Variants in CYRIA observed in about 807,000 individuals in gnomAD.
CYRIA encodes CYFIP-related Rac1 interactor A.
A neutral mutation model predicts 43.9 loss-of-function variants in CYRIA; 15 were observed. That is an observed-to-expected ratio of 0.34 (90% CI 0.23 to 0.53). The LOEUF (loss-of-function observed/expected upper bound fraction) is 0.53. Ranked by LOEUF, CYRIA falls within the 20% of genes least tolerant of loss-of-function variation. The pLI, the probability that CYRIA is intolerant of heterozygous loss-of-function variation, is 0.94. For synonymous variants in CYRIA, 117 were observed against 136.0 expected, an observed-to-expected ratio of 0.86 and a Z score of 0.97; for missense variants, 236 against 394.2, an observed-to-expected ratio of 0.60 and a Z score of 3.40.
chr2:16,649,764 G>A (rs914448596), intron 1 of CYRIA, among the ~76,000 whole-genome samples: 7 of 152,108 alleles, frequency 4.6e-5, no homozygotes, highest in Non-Finnish European at 5.9e-5. Flanking sequence ...ACAGTACAGG[G>A]CATGGTTATA....
chr2:16,589,276 G>A (rs980008337), intron 2 of CYRIA, among the ~76,000 whole-genome samples: 15 of 152,062 alleles, frequency 9.9e-5, no homozygotes, highest in Admixed American at 9.2e-4. Context: ...CAATATTTAT[G>A]TTGATACAAG....
intron 1 of CYRIA, among the ~76,000 whole-genome samples, chr2:16,626,929 T>A (rs1233597173): frequency 6.6e-6 from 1 of 152,228 alleles, no homozygotes; most frequent in Admixed American, 6.5e-5. Flanking sequence ...TATCTTTTCA[T>A]CTTTGCTCAT....
chr2:16,625,827 C>T (rs1028152408), intron 1 of CYRIA: 2 of 151,516 alleles, frequency 1.3e-5, no homozygotes, highest in African/African-American at 4.9e-5. Flanking sequence ...CTATCCCATC[C>T]TCACTGCTTT....
At chr2:16,555,331 T>C (rs1666467939) in intron 10 of CYRIA, among the ~76,000 whole-genome samples, 192 bp from the exon 11 acceptor site, 2 of 151,614 alleles carry the variant, frequency 1.3e-5, no homozygotes, top group East Asian at 3.9e-4. Context: ...GGATTCTGTA[T>C]GACTGCAATC....
At chr2:16,593,738 T>A (rs1668015081) in intron 2 of CYRIA, among the ~76,000 whole-genome samples, 3 of 85,214 alleles carry the variant, frequency 3.5e-5, no homozygotes, top group East Asian at 3.2e-4. Flanking sequence ...TTTTTTTTTT[T>A]ATTATACTCT....
chr2:16,626,122 A>C (rs1669155424), intron 1 of CYRIA, among the ~76,000 whole-genome samples: 1 of 152,108 alleles, frequency 6.6e-6, no homozygotes. Context: ...AACTTGAACA[A>C]CCACACACAG....
intron 3 of CYRIA, among the ~76,000 whole-genome samples, chr2:16,567,505 G>A (rs1666982969): frequency 2.0e-5 from 3 of 152,120 alleles, no homozygotes; most frequent in Admixed American, 2.0e-4. Context: ...TGCTGACTTG[G>A]TGTTCAGAAA....
In CYRIA at chr2:16,551,565, G is replaced by C. The variant is rs1340967552; in HGVS notation, c.*1371C>G. On this transcript the variant is annotated 3_prime_UTR_variant, in exon 12 of 12. Transcript: ENST00000381323. ...ATCCTCTGGGTTTCATTTTTCCTTA[G>C]GAGGTCAGAATCAGAGATTTTCATG... The C allele has an allele frequency of 6.6e-6, 1 of 152,254 alleles. No individual in the cohort carries two copies. Among genetic ancestry groups the C allele is most frequent in the East Asian group, 1.9e-4 (1 of 5,166 alleles). 9.4% of individuals were successfully genotyped at this position (152,254 alleles called of 1,614,324 possible).
intron 1 of CYRIA, among the ~76,000 whole-genome samples, chr2:16,652,896 C>T (rs1324314687): frequency 6.6e-6 from 1 of 152,202 alleles, no homozygotes; most frequent in Non-Finnish European, 1.5e-5. Flanking sequence ...CCATGTGATG[C>T]TTGTCCAGCT....
intron 3 of CYRIA, among the ~76,000 whole-genome samples, chr2:16,584,258 C>T (rs1332622389): frequency 6.6e-6 from 1 of 152,138 alleles, no homozygotes; most frequent in African/African-American, 2.4e-5. Context: ...TCCATTTACA[C>T]TCCCTCCTTC....
intron 3 of CYRIA, among the ~76,000 whole-genome samples, chr2:16,575,622 G>A (rs558466311): frequency 1.1e-4 from 16 of 152,166 alleles, no homozygotes; most frequent in African/African-American, 3.4e-4. Flanking sequence ...TTGGGAGGCC[G>A]AGGCGGGCGG....
In CYRIA at chr2:16,650,314, C is replaced by T. The variant is rs991990357; in HGVS notation, c.-167+15466G>A. Among the ~76,000 whole-genome samples, 1 of 152,078 alleles carries T rather than the reference C, an allele frequency of 6.6e-6. No homozygotes were observed. The highest frequency in any genetic ancestry group is 2.4e-5 in the African/African-American group (1 of 41,394). On this transcript the variant is annotated intron_variant, in intron 1 of 11. Transcript: ENST00000381323. The surrounding 1 kb of genome is among the most constrained non-coding windows in gnomAD (Gnocchi z 4.1). ...AGACGTAAGAGTGGTTAAGCAATGG[C>T]CCAGAAATCAACCAAAAAGAGGAGC...
chr2:16,561,711 C>T (rs1462775826), intron 6 of CYRIA, among the ~76,000 whole-genome samples, 178 bp from the exon 7 acceptor site: 1 of 152,140 alleles, frequency 6.6e-6, no homozygotes, highest in East Asian at 1.9e-4. Flanking sequence ...TTAAAATATG[C>T]CCTGTGGGCT....
rs1319573692 is a variant in CYRIA at position 16,561,989 on chromosome 2, G to A, written c.435+16C>T. On this transcript the variant is annotated intron_variant, in intron 6 of 11. Transcript: ENST00000381323. ...AGTACAAGTTTATTAAATTTTCACA[G>A]CACATTTGGCCTAACCTTCAGCTCA... 3.7e-6 allele frequency: 6 copies of A among 1,606,132 alleles called. No homozygotes were observed. The Admixed American group carries it at 1.0e-4, about 27-fold the overall frequency.
intron 2 of CYRIA, among the ~76,000 whole-genome samples, chr2:16,592,806 A>G (rs1381859189): frequency 1.3e-5 from 2 of 152,158 alleles, no homozygotes. Context: ...ATCAAAAAAA[A>G]AGAAAAAAAC....
intron 1 of CYRIA, among the ~76,000 whole-genome samples, chr2:16,637,541 C>T (rs1372396378): frequency 6.6e-6 from 1 of 152,200 alleles, no homozygotes; most frequent in Admixed American, 6.5e-5. Context: ...GCCTCCAGAA[C>T]CGTGAGAAAT....
At chr2:16,618,966 C>T (rs1263635937) in intron 2 of CYRIA, among the ~76,000 whole-genome samples, 1 of 152,178 alleles carries the variant, frequency 6.6e-6, no homozygotes, top group Non-Finnish European at 1.5e-5. Flanking sequence ...GGGTGATACA[C>T]AGCATGAACA....
At chr2:16,592,391 T>G (rs1275981170) in intron 2 of CYRIA, among the ~76,000 whole-genome samples, 2 of 152,064 alleles carry the variant, frequency 1.3e-5, no homozygotes, top group African/African-American at 4.8e-5. Flanking sequence ...CATCCTTTAT[T>G]TGGATGTTTC....
At chr2:16,657,895 T>G (rs920422832) in intron 1 of CYRIA, among the ~76,000 whole-genome samples, 6 of 152,210 alleles carry the variant, frequency 3.9e-5, no homozygotes, top group African/African-American at 1.4e-4. Context: ...TGCTTTCAAA[T>G]GCATGATGAA....
Sources: allele counts gnomAD v4.1 joint callset (sites outside exome capture counted in the v4.1 genomes callset), GRCh38; gene constraint gnomAD v4.1.1; non-coding constraint Gnocchi (gnomAD v3.1); transcripts MANE v1.5; gene names NCBI Gene and HGNC (gene_info 2026-07-23, HGNC 2026-07-21).